RPS6KA2: variants seen among roughly 807,000 people sequenced by gnomAD.
The protein encoded by RPS6KA2 is ribosomal protein S6 kinase alpha-2.
RPS6KA2 carries 42 observed loss-of-function variants against 91.8 expected under a neutral mutation model. That is an observed-to-expected ratio of 0.46 (90% CI 0.36 to 0.59). RPS6KA2 has a LOEUF of 0.59. Among genes scored for constraint, RPS6KA2 ranks in the 20% least tolerant of loss-of-function variants. The pLI is 0.00. For missense variants in RPS6KA2, 798 were observed against 978.5 expected, an observed-to-expected ratio of 0.82 and a Z score of 2.46; for synonymous variants, 414 against 393.6, an observed-to-expected ratio of 1.05 and a Z score of -0.61.
intron 2 of RPS6KA2, among the ~76,000 whole-genome samples, chr6:166,829,340 C>T (rs935999822): frequency 8.6e-5 from 13 of 151,956 alleles, no homozygotes; most frequent in African/African-American, 3.1e-4. Context: ...GCCTGTAATC[C>T]CAGCACTTTA....
At chr6:166,524,106 A>G (rs1348824805) in intron 3 of RPS6KA2, among the ~76,000 whole-genome samples, 1 of 152,166 alleles carries the variant, frequency 6.6e-6, no homozygotes, top group Non-Finnish European at 1.5e-5. Context: ...ACAGCTGCCA[A>G]AAACACACAC....
At position 166,665,636 on chromosome 6, in the gene RPS6KA2, TTAGAACAAGCACC is replaced by T. The variant is rs1788293686; in HGVS notation, c.124-126865_124-126853del. On this transcript the variant is annotated intron_variant, in intron 2 of 21. Coordinates refer to the RPS6KA2 transcript ENST00000503859. This position sits in a 1 kb window ranked among gnomAD's most constrained non-coding sequence, Gnocchi z 4.5. ...GACTCCAGAGCCAGTGCGACCCTCA[TTAGAACAAGCACC>T]GGAGACATGAAGTTTGCTACTGAAG... Among the ~76,000 whole-genome samples, 3 of 152,120 alleles carry T rather than the reference TTAGAACAAGCACC, an allele frequency of 2.0e-5. No homozygotes were observed. Among genetic ancestry groups the T allele is most frequent in the Admixed American group, 2.0e-4 (3 of 15,276 alleles).
chr6:166,628,171 G>T (rs370997659), upstream of RPS6KA2, among the ~76,000 whole-genome samples: 11 of 152,266 alleles, frequency 7.2e-5, no homozygotes, highest in East Asian at 9.6e-4. Flanking sequence ...CGCTGCTGGC[G>T]GCAGCGCCGC....
At chr6:166,559,183 G>A (rs1399026364) in intron 1 of RPS6KA2, among the ~76,000 whole-genome samples, 2 of 152,194 alleles carry the variant, frequency 1.3e-5, no homozygotes, top group Non-Finnish European at 2.9e-5. Flanking sequence ...CAAGGATTCA[G>A]TAGAGGAAAA....
At chr6:166,850,856 G>A (rs1562470724) in intron 2 of RPS6KA2, among the ~76,000 whole-genome samples, 1 of 152,096 alleles carries the variant, frequency 6.6e-6, no homozygotes, top group Non-Finnish European at 1.5e-5. Flanking sequence ...GATGCCTGTA[G>A]CACCGAGATA....
In RPS6KA2 at chr6:166,418,592, C is replaced by T. The variant is rs1227129228; in HGVS notation, c.1821-250G>A. Among the ~76,000 whole-genome samples, 2 of 152,188 alleles carry T rather than the reference C, an allele frequency of 1.3e-5. No homozygotes were observed. Among genetic ancestry groups the T allele is most frequent in the Admixed American group, 6.5e-5 (1 of 15,278 alleles). On this transcript the variant is annotated intron_variant, in intron 18 of 20. Transcript: ENST00000265678. This position sits in a 1 kb window ranked among gnomAD's most constrained non-coding sequence, Gnocchi z 4.9. ...GCCCTGTGAGACCTGTGCTGTATCC[C>T]CTCCGGACCCAGGTAAACTGGGATG...
At chr6:166,706,422 C>T (rs1466489461) in intron 2 of RPS6KA2, among the ~76,000 whole-genome samples, 1 of 152,156 alleles carries the variant, frequency 6.6e-6, no homozygotes, top group East Asian at 1.9e-4. Context: ...GAGGAGAAGA[C>T]AATTCAAGCC....
chr6:166,453,221 ACACACAC>A (rs1450702824), intron 12 of RPS6KA2, among the ~76,000 whole-genome samples: 7 of 147,032 alleles, frequency 4.8e-5, no homozygotes, highest in African/African-American at 1.8e-4. Flanking sequence ...ACACACACAC[ACACACAC>A]ACAAAAAGGC....
chr6:166,775,442 T>C (rs528671430), intron 2 of RPS6KA2, among the ~76,000 whole-genome samples: 49 of 152,342 alleles, frequency 3.2e-4, no homozygotes, highest in East Asian at 2.7e-3. Context: ...GGAAACTTGT[T>C]ACATTTTGTT....
intron 2 of RPS6KA2, among the ~76,000 whole-genome samples, chr6:166,834,189 T>C (rs1780258299): frequency 6.6e-6 from 1 of 152,242 alleles, no homozygotes; most frequent in African/African-American, 2.4e-5. Flanking sequence ...CACACCTTTG[T>C]CAGCACTTGA....
At chr6:166,683,135 A>G (rs1481382161) in intron 2 of RPS6KA2, among the ~76,000 whole-genome samples, 1 of 152,182 alleles carries the variant, frequency 6.6e-6, no homozygotes. Context: ...GGGTCACAAC[A>G]TGCAACATGA....
intron 2 of RPS6KA2, among the ~76,000 whole-genome samples, chr6:166,789,770 T>C (rs1193333467): frequency 6.6e-6 from 1 of 152,198 alleles, no homozygotes; most frequent in East Asian, 1.9e-4. Context: ...AGTGGACCTC[T>C]AGCAAAGTCC....
intron 2 of RPS6KA2, among the ~76,000 whole-genome samples, chr6:166,822,650 T>C (rs2128623670): frequency 6.6e-6 from 1 of 152,198 alleles, no homozygotes; most frequent in South Asian, 2.1e-4. Context: ...CACCACCCCA[T>C]CCAGCTCATG....
Position 166,626,884 on chromosome 6 carries a change from G to T in RPS6KA2, c.99+37C>A. The stretch of plus-strand genomic sequence containing the variant: ...CTCGGGCGACCACGGCCCGCTCAGT[G>T]CCCGGCACCTGCGCGCCCCGAGGGC... On this transcript the variant is annotated intron_variant, in intron 1 of 20. Transcript: ENST00000265678. This position sits in a 1 kb window ranked among gnomAD's most constrained non-coding sequence, Gnocchi z 4.1. 1 of 1,440,842 alleles carries T rather than the reference G, an allele frequency of 6.9e-7. No individual in the cohort carries two copies. Among genetic ancestry groups the T allele is most frequent in the Non-Finnish European group, 9.2e-7 (1 of 1,087,456 alleles). The allele number at this position is 1,440,842 out of a possible 1,614,324, so 89.3% of individuals were successfully genotyped here.
chr6:166,586,663 C>G (rs900925879), intron 1 of RPS6KA2, among the ~76,000 whole-genome samples: 7 of 124,560 alleles, frequency 5.6e-5, no homozygotes, highest in Middle Eastern at 3.6e-3. Flanking sequence ...CCAATGTAAC[C>G]GAGCGCCTTC....
chr6:166,757,926 C>T (rs751596617), intron 2 of RPS6KA2: 10 of 200,586 alleles, frequency 5.0e-5, no homozygotes, highest in South Asian at 2.3e-4. Flanking sequence ...CATGCTGCTC[C>T]GAATCCCAGC....
At chr6:166,747,957 G>C (rs912901172) in intron 2 of RPS6KA2, among the ~76,000 whole-genome samples, 1 of 152,144 alleles carries the variant, frequency 6.6e-6, no homozygotes, top group Non-Finnish European at 1.5e-5. Context: ...TGTGCAGAGG[G>C]GTGTGTGCTT....
intron 1 of RPS6KA2, among the ~76,000 whole-genome samples, chr6:166,591,257 A>G (rs1295586528): frequency 6.6e-6 from 1 of 152,210 alleles, no homozygotes; most frequent in Non-Finnish European, 1.5e-5. Context: ...CCATCATTCA[A>G]CGCGACCAAC....
intron 1 of RPS6KA2, among the ~76,000 whole-genome samples, chr6:166,550,350 TCAAA>T (rs890812610): frequency 6.6e-6 from 1 of 150,900 alleles, no homozygotes; most frequent in Non-Finnish European, 1.5e-5. Context: ...GCAAATAAGA[TCAAA>T]CAACTTGCTG....
Sources: allele counts gnomAD v4.1 joint callset (sites outside exome capture counted in the v4.1 genomes callset), GRCh38; gene constraint gnomAD v4.1.1; non-coding constraint Gnocchi (gnomAD v3.1); transcripts MANE v1.5; gene names NCBI Gene and HGNC (gene_info 2026-07-23, HGNC 2026-07-21).